Variants in UQCC1 observed in about 807,000 individuals in gnomAD.
UQCC1 encodes the protein ubiquinol-cytochrome c reductase complex assembly factor 1, also known as bFGF-repressed Zic-binding protein.
UQCC1 carries 38 observed loss-of-function variants against 48.0 expected under a neutral mutation model. The ratio of observed to expected loss-of-function variants is 0.79; its 90% CI spans 0.61 to 1.04. UQCC1 has a LOEUF of 1.04. Ranked by LOEUF, UQCC1 falls within the 50% of genes least tolerant of loss-of-function variation. UQCC1 has a pLI of 0.00. For missense variants in UQCC1, 368 were observed against 381.8 expected, an observed-to-expected ratio of 0.96 and a Z score of 0.30; for synonymous variants, 111 against 129.2, an observed-to-expected ratio of 0.86 and a Z score of 0.95.
At chr20:35,329,631 C>A (rs1204306453) in intron 7 of UQCC1, among the ~76,000 whole-genome samples, 4 of 152,208 alleles carry the variant, frequency 2.6e-5, no homozygotes, top group African/African-American at 9.7e-5. Flanking sequence ...CCCAGGGCAG[C>A]TGAAAGAAAC....
chr20:35,306,952 T>C, intron 8 of UQCC1, 173 bp from the exon 9 acceptor site: 1 of 667,582 alleles, frequency 1.5e-6, no homozygotes, highest in East Asian at 2.8e-5. Context: ...CTTACAAGGG[T>C]ATCTGGCCCA....
chr20:35,389,193 G>A (rs1433366156), intron 2 of UQCC1, among the ~76,000 whole-genome samples: 5 of 152,178 alleles, frequency 3.3e-5, no homozygotes, highest in Admixed American at 1.3e-4. Context: ...AATTAAGAGA[G>A]TATTCAAAAA....
intron 8 of UQCC1, among the ~76,000 whole-genome samples, chr20:35,313,722 C>T (rs1283646277): frequency 5.3e-5 from 8 of 151,666 alleles, no homozygotes; most frequent in African/African-American, 9.7e-5. Flanking sequence ...CAAGAGACTC[C>T]GCCTCTCATG....
rs148303255 is a variant in UQCC1 at position 35,398,065 on chromosome 20, C to T, written c.25-3869G>A. ...GAGGCATGGAGAGGATAAGCAACCTCCCAATGTCACATAGTTCTAACAGCA... is the reference window on the plus strand; with the variant it reads ...GAGGCATGGAGAGGATAAGCAACCTTCCAATGTCACATAGTTCTAACAGCA... On this transcript the variant is annotated intron_variant, in intron 1 of 9. Coordinates refer to ENST00000374385, the MANE Select transcript of UQCC1 (RefSeq NM_018244.5). Among the ~76,000 whole-genome samples the T allele has an allele frequency of 6.6e-5, 10 of 152,282 alleles. No homozygotes were observed. In the East Asian group the frequency reaches 1.9e-3, roughly 29 times the overall value.
At chr20:35,380,951 C>T (rs558493814) in intron 4 of UQCC1, among the ~76,000 whole-genome samples, 4 of 152,280 alleles carry the variant, frequency 2.6e-5, no homozygotes, top group East Asian at 1.9e-4. Context: ...AAACTCCAAA[C>T]GTTTTAGATT....
intron 4 of UQCC1, 30 bp downstream of exon 4, chr20:35,381,888 G>T: frequency 7.4e-7 from 1 of 1,342,986 alleles, no homozygotes; most frequent in Non-Finnish European, 1.0e-6. Context: ...TGCCCAAAAG[G>T]AAAAATGAGA....
chr20:35,393,577 G>A (rs2062038647), intron 2 of UQCC1, among the ~76,000 whole-genome samples: 1 of 151,608 alleles, frequency 6.6e-6, no homozygotes, highest in African/African-American at 2.4e-5. Flanking sequence ...GACGTTTTCA[G>A]ATTTGAAGTC....
chr20:35,378,129 T>C (rs908022895), intron 4 of UQCC1, among the ~76,000 whole-genome samples: 1 of 152,240 alleles, frequency 6.6e-6, no homozygotes, highest in Admixed American at 6.5e-5. Flanking sequence ...GTTCTGGTCC[T>C]TGGATGACTT....
chr20:35,393,612 CT>C (rs2062038893), intron 2 of UQCC1, among the ~76,000 whole-genome samples: 2 of 151,830 alleles, frequency 1.3e-5, no homozygotes, highest in South Asian at 4.1e-4. Context: ...TCCCTTATTA[CT>C]AAATTATTTG....
intron 7 of UQCC1, among the ~76,000 whole-genome samples, chr20:35,338,892 A>AAAAAAAT (rs1555805500): frequency 9.8e-5 from 3 of 30,556 alleles, no homozygotes; most frequent in Non-Finnish European, 1.4e-4. Flanking sequence ...AAAAAAAAAA[A>AAAAAAAT]ATATATATAT....
intron 5 of UQCC1, among the ~76,000 whole-genome samples, chr20:35,367,651 T>C (rs2061684941): frequency 6.6e-6 from 1 of 152,028 alleles, no homozygotes; most frequent in African/African-American, 2.4e-5. Context: ...TCCCAGTTAC[T>C]TGGGAGGCTG....
intron 7 of UQCC1, among the ~76,000 whole-genome samples, chr20:35,321,625 C>T (rs2061131251): frequency 6.6e-6 from 1 of 152,128 alleles, no homozygotes; most frequent in Non-Finnish European, 1.5e-5. Flanking sequence ...GAGGCCAAGG[C>T]AGGTGGATCA....
At chr20:35,313,374 TAAAAAAAAAAAAAAAA>T (rs1182863735) in intron 8 of UQCC1, among the ~76,000 whole-genome samples, 1 of 45,468 alleles carries the variant, frequency 2.2e-5, no homozygotes, top group African/African-American at 9.4e-5. Context: ...AGACTCTGTC[TAAAAAAAAAAAAAAAA>T]AAAAAAAAAG....
chr20:35,309,904 G>A (rs181670109), intron 8 of UQCC1, among the ~76,000 whole-genome samples: 12 of 152,332 alleles, frequency 7.9e-5, no homozygotes, highest in Non-Finnish European at 4.4e-5. Flanking sequence ...CAAAATCAGT[G>A]CACATCTAAC....
intron 1 of UQCC1, among the ~76,000 whole-genome samples, chr20:35,404,688 A>G (rs1412843219): frequency 3.0e-5 from 4 of 132,058 alleles, no homozygotes; most frequent in Admixed American, 8.6e-5. Context: ...CTTGACTCTG[A>G]AAAAAAAAAA....
At chr20:35,410,721 A>AAAAAAAAAAAAAAAAAAAAAAAAC (rs2062344804) in intron 1 of UQCC1, among the ~76,000 whole-genome samples, 1 of 125,586 alleles carries the variant, frequency 8.0e-6, no homozygotes, top group Non-Finnish European at 1.6e-5. Flanking sequence ...AAAAAAAAAA[A>AAAAAAAAAAAAAAAAAAAAAAAAC]AAACAAAACC....
chr20:35,322,563 A>G (rs1031823298), intron 7 of UQCC1, among the ~76,000 whole-genome samples: 6 of 151,932 alleles, frequency 3.9e-5, no homozygotes, highest in African/African-American at 1.5e-4. Flanking sequence ...GTGAAACCCC[A>G]TGTCTACTAA....
At chr20:35,394,235 C>T in intron 1 of UQCC1, 39 bp from the exon 2 acceptor site, 1 of 1,541,948 alleles carries the variant, frequency 6.5e-7, no homozygotes, top group Non-Finnish European at 9.0e-7. Context: ...GAATCTAAAT[C>T]ATACTCCCTA....
intron 5 of UQCC1, among the ~76,000 whole-genome samples, chr20:35,369,786 T>G (rs1054290185): frequency 2.0e-5 from 3 of 152,206 alleles, no homozygotes; most frequent in Admixed American, 6.5e-5. Context: ...TTTCAGCAAA[T>G]TATTTAAATA....
Sources: gnomAD v4.1 joint callset for allele counts (sites outside exome capture counted in the v4.1 genomes callset) on GRCh38, gnomAD v4.1.1 for gene constraint, MANE v1.5 for transcripts, NCBI Gene and HGNC (gene_info 2026-07-23, HGNC 2026-07-21) for gene names.